Variants in PELI2 observed in about 807,000 individuals in gnomAD.
PELI2 encodes E3 ubiquitin-protein ligase pellino homolog 2.
A neutral mutation model predicts 42.3 loss-of-function variants in PELI2; 23 were observed. The observed-to-expected ratio is 0.54, with a 90% CI of 0.39 to 0.77. The LOEUF (loss-of-function observed/expected upper bound fraction) is 0.77, where lower values mean the gene tolerates loss of function less well. Ranked by LOEUF, PELI2 falls within the 30% of genes least tolerant of loss-of-function variation. PELI2 has a pLI of 0.00. For synonymous variants in PELI2, 245 were observed against 212.2 expected, an observed-to-expected ratio of 1.15 and a Z score of -1.34; for missense variants, 463 against 553.2, an observed-to-expected ratio of 0.84 and a Z score of 1.64.
At chr14:56,231,559 A>G (rs573678917) in intron 2 of PELI2, among the ~76,000 whole-genome samples, 246 of 152,362 alleles carry the variant, frequency 1.6e-3, no homozygotes, top group African/African-American at 5.7e-3. Context: ...TTTGAAACCA[A>G]TGAGAACAAA....
chr14:56,225,467 A>G (rs1887313512), intron 2 of PELI2, among the ~76,000 whole-genome samples: 1 of 152,150 alleles, frequency 6.6e-6, no homozygotes, highest in African/African-American at 2.4e-5. Flanking sequence ...GTACCACACC[A>G]AGTCCCTCCT....
chr14:56,222,901 A>C (rs1304851679), intron 2 of PELI2, among the ~76,000 whole-genome samples: 1 of 152,192 alleles, frequency 6.6e-6, no homozygotes, highest in Non-Finnish European at 1.5e-5. Context: ...AGAGTGGGCG[A>C]AGGTGTTGAT....
intron 2 of PELI2, among the ~76,000 whole-genome samples, chr14:56,236,877 C>A (rs1345303117): frequency 2.0e-5 from 3 of 152,096 alleles, no homozygotes; most frequent in Non-Finnish European, 2.9e-5. Flanking sequence ...CTATTTGTAC[C>A]AAGATTTGAG....
intron 2 of PELI2, among the ~76,000 whole-genome samples, chr14:56,211,608 A>G (rs952758085): frequency 6.6e-6 from 1 of 152,214 alleles, no homozygotes; most frequent in African/African-American, 2.4e-5. Context: ...TGCAAAATAT[A>G]TATTTTTGGG....
intron 1 of PELI2, among the ~76,000 whole-genome samples, chr14:56,122,736 T>C (rs1883108003): frequency 6.6e-6 from 1 of 152,224 alleles, no homozygotes; most frequent in Admixed American, 6.5e-5. Context: ...TTGATTTTCA[T>C]GATATTCAAA....
Position 56,288,295 on chromosome 14 carries a change from G to A in PELI2, c.310-142G>A, listed in dbSNP as rs538625255. ...CCTAGTTAAATAGGAAAAGGAGCAC[G>A]AATGAAAATCTTGCATTAAATTCTA... On this transcript the variant is annotated intron_variant, in intron 3 of 5. Coordinates refer to ENST00000267460, the MANE Select transcript of PELI2 (RefSeq NM_021255.3). This position sits in a 1 kb window ranked among gnomAD's most constrained non-coding sequence, Gnocchi z 4.6. 5.2e-5 allele frequency: 34 copies of A among 653,542 alleles called. No homozygotes were observed. The highest frequency in any genetic ancestry group is 4.2e-4 in the Middle Eastern group (1 of 2,392). The allele number at this position is 653,542 out of a possible 1,614,324, so 40.5% of individuals were successfully genotyped here. A position where few individuals can be genotyped will look rare whatever the true frequency, so the allele number is the denominator to read the frequency against.
intron 1 of PELI2, among the ~76,000 whole-genome samples, chr14:56,125,501 C>G (rs1159034927): frequency 2.0e-5 from 3 of 152,016 alleles, no homozygotes; most frequent in African/African-American, 7.3e-5. Flanking sequence ...AAAAGCTTTT[C>G]CGAGAAAATA....
chr14:56,131,624 C>T lies in PELI2; in HGVS notation c.77+12887C>T, dbSNP rs748740897. Among the ~76,000 whole-genome samples, 20 of 152,168 alleles carry T rather than the reference C, an allele frequency of 1.3e-4. No individual in the cohort carries two copies. The South Asian group carries it at 1.5e-3, about 11-fold the overall frequency. On this transcript the variant is annotated intron_variant, in intron 1 of 5. Coordinates refer to ENST00000267460, the MANE Select transcript of PELI2 (RefSeq NM_021255.3). ...AAATGCCCTTCAGTTGAATTATTGT[C>T]TTATCATGGTTGCCTGCCTGTGCAC...
chr14:56,188,172 G>A (rs573562007), intron 2 of PELI2, among the ~76,000 whole-genome samples: 13 of 152,192 alleles, frequency 8.5e-5, no homozygotes, highest in African/African-American at 1.9e-4. Context: ...CTGACTTCTC[G>A]TGTCTTCCTG....
intron 2 of PELI2, among the ~76,000 whole-genome samples, chr14:56,189,061 G>C (rs1268615844): frequency 1.3e-5 from 2 of 152,218 alleles, no homozygotes; most frequent in Non-Finnish European, 2.9e-5. Flanking sequence ...TGGGGAGGCT[G>C]AGACAGGAGA....
At chr14:56,228,067 A>C (rs1447903114) in intron 2 of PELI2, among the ~76,000 whole-genome samples, 1 of 152,246 alleles carries the variant, frequency 6.6e-6, no homozygotes, top group African/African-American at 2.4e-5. Context: ...TACGTAGTAC[A>C]ATGCTTTAAT....
At chr14:56,145,706 A>G (rs1168281935) in intron 1 of PELI2, among the ~76,000 whole-genome samples, 2 of 152,208 alleles carry the variant, frequency 1.3e-5, no homozygotes, top group Non-Finnish European at 2.9e-5. Flanking sequence ...ACCATATTTT[A>G]TGAGAGTTTT....
chr14:56,124,543 G>A (rs1237718241), intron 1 of PELI2, among the ~76,000 whole-genome samples: 1 of 152,176 alleles, frequency 6.6e-6, no homozygotes, highest in Admixed American at 6.5e-5. Context: ...GTGAATAACC[G>A]TTACTGATAC....
chr14:56,231,611 G>A lies in PELI2; in HGVS notation c.208-48065G>A, dbSNP rs148901372. 4.4e-3 allele frequency among the ~76,000 whole-genome samples: 675 copies of A among 152,330 alleles called. 4 individuals are homozygous for A. Among genetic ancestry groups the A allele is most frequent in the African/African-American group, 0.015 (617 of 41,574 alleles). On this transcript the variant is annotated intron_variant, in intron 2 of 5. Coordinates refer to ENST00000267460, the MANE Select transcript of PELI2 (RefSeq NM_021255.3). ...ATCTCTGGGACACATTTAAAGCAGC[G>A]TGTAGAGGGAAGTTTATAGCACTAA...
intron 1 of PELI2, among the ~76,000 whole-genome samples, chr14:56,175,223 T>C (rs1885328580): frequency 2.0e-5 from 3 of 152,156 alleles, no homozygotes; most frequent in Admixed American, 2.0e-4. Context: ...CTCGAACTCC[T>C]GGGCTCAAGC....
intron 1 of PELI2, among the ~76,000 whole-genome samples, chr14:56,168,399 C>G (rs970314894): frequency 6.6e-6 from 1 of 152,192 alleles, no homozygotes; most frequent in Non-Finnish European, 1.5e-5. Flanking sequence ...TGCAGTTCTT[C>G]CTGTTCTTGC....
chr14:56,146,705 T>A (rs989400552), intron 1 of PELI2, among the ~76,000 whole-genome samples: 1 of 152,194 alleles, frequency 6.6e-6, no homozygotes, highest in Non-Finnish European at 1.5e-5. Context: ...TCTAGCACAG[T>A]CTTCATTACG....
At chr14:56,145,285 A>G (rs982306632) in intron 1 of PELI2, among the ~76,000 whole-genome samples, 3 of 152,116 alleles carry the variant, frequency 2.0e-5, no homozygotes, top group African/African-American at 7.2e-5. Flanking sequence ...GTGCTGGGGG[A>G]TGGTGCTAAA....
chr14:56,125,714 A>G (rs1883231492), intron 1 of PELI2, among the ~76,000 whole-genome samples: 1 of 152,188 alleles, frequency 6.6e-6, no homozygotes, highest in African/African-American at 2.4e-5. Flanking sequence ...TCCCTGGACA[A>G]AAACGTGGTT....
Sources: allele counts gnomAD v4.1 joint callset (sites outside exome capture counted in the v4.1 genomes callset), GRCh38; gene constraint gnomAD v4.1.1; non-coding constraint Gnocchi (gnomAD v3.1); transcripts MANE v1.5; gene names NCBI Gene and HGNC (gene_info 2026-07-23, HGNC 2026-07-21).